Variants in PCDHA4 observed in about 807,000 individuals in gnomAD.
The protein encoded by PCDHA4 is protocadherin alpha 4, also known as protocadherin alpha-4.
A neutral mutation model predicts 61.4 loss-of-function variants in PCDHA4; 49 were observed. The ratio of observed to expected loss-of-function variants is 0.80; its 90% CI spans 0.63 to 1.01. PCDHA4 has a LOEUF of 1.01. PCDHA4 is among the 50% of genes least tolerant of loss of function. The pLI is 0.00. For synonymous variants in PCDHA4, 590 were observed against 550.3 expected, an observed-to-expected ratio of 1.07 and a Z score of -1.01; for missense variants, 1,254 against 1,235.8, an observed-to-expected ratio of 1.01 and a Z score of -0.22.
At chr5:140,828,611 T>G in intron 1 of PCDHA4, 1 of 1,614,202 alleles carries the variant, frequency 6.2e-7, no homozygotes, top group Non-Finnish European at 8.5e-7. Flanking sequence ...TAAACTCAGT[T>G]CTAGCGAATA....
At chr5:140,912,824 A>T (rs1391588183) in intron 1 of PCDHA4, among the ~76,000 whole-genome samples, 3 of 152,170 alleles carry the variant, frequency 2.0e-5, no homozygotes, top group Non-Finnish European at 4.4e-5. Flanking sequence ...AGGGATTTTG[A>T]ATTTTATTAA....
intron 1 of PCDHA4, chr5:140,878,103 GA>G (rs748975221): frequency 2.9e-4 from 75 of 261,846 alleles, no homozygotes; most frequent in African/African-American, 1.3e-3. Context: ...GATGAACCTT[GA>G]AAAAAACAGT....
chr5:140,849,672 G>A, intron 1 of PCDHA4: 1 of 1,598,650 alleles, frequency 6.3e-7, no homozygotes, highest in Non-Finnish European at 8.6e-7. Flanking sequence ...GACGCCCCAC[G>A]TCCCCTTCAA....
intron 1 of PCDHA4, chr5:140,835,475 A>T (rs141258579): frequency 6.2e-7 from 1 of 1,613,920 alleles, no homozygotes; most frequent in Non-Finnish European, 8.5e-7. Flanking sequence ...AGGACGCCCA[A>T]CCAGGTACCG....
chr5:140,841,171 G>T, intron 1 of PCDHA4: 2 of 993,678 alleles, frequency 2.0e-6, no homozygotes, highest in Admixed American at 2.8e-5. Context: ...AGTTCTGGTT[G>T]GTCAATGTTC....
intron 1 of PCDHA4, chr5:140,929,005 A>G: frequency 6.2e-7 from 1 of 1,614,062 alleles, no homozygotes; most frequent in Non-Finnish European, 8.5e-7. Context: ...CTTCGTGTGT[A>G]CCAAGTTGCA....
chr5:140,881,145 A>G (rs1335769260), intron 1 of PCDHA4, among the ~76,000 whole-genome samples: 1 of 152,246 alleles, frequency 6.6e-6, no homozygotes, highest in Non-Finnish European at 1.5e-5. Context: ...TTATAACAAT[A>G]GATAAAAGTA....
chr5:140,853,436 T>C (rs1442377806), intron 1 of PCDHA4: 3 of 984,616 alleles, frequency 3.0e-6, no homozygotes, highest in African/African-American at 3.5e-5. Flanking sequence ...CACTTTCCTA[T>C]TTTGCCTAAT....
At chr5:140,823,674 A>G (rs2150128139) in intron 1 of PCDHA4, 1 of 1,613,986 alleles carries the variant, frequency 6.2e-7, no homozygotes, top group Non-Finnish European at 8.5e-7. Flanking sequence ...TCAGCACAAC[A>G]CGCTCTCTGG....
intron 1 of PCDHA4, chr5:140,967,968 G>A: frequency 3.1e-6 from 5 of 1,614,218 alleles, no homozygotes; most frequent in Non-Finnish European, 4.2e-6. Flanking sequence ...CGGAAAGTGA[G>A]CCTGGGTCTG....
intron 1 of PCDHA4, among the ~76,000 whole-genome samples, chr5:140,961,697 T>A (rs1326642906): frequency 6.6e-6 from 1 of 152,232 alleles, no homozygotes; most frequent in Non-Finnish European, 1.5e-5. Flanking sequence ...GTCCTTAGTA[T>A]GAATGCCTTC....
chr5:140,923,306 C>T (rs572766829), intron 1 of PCDHA4, among the ~76,000 whole-genome samples: 1 of 152,098 alleles, frequency 6.6e-6, no homozygotes, highest in East Asian at 1.9e-4. Flanking sequence ...GGCGTGGGGG[C>T]GCTTGGCCTA....
chr5:140,871,327 C>G (rs782093100), intron 1 of PCDHA4: 12 of 1,614,102 alleles, frequency 7.4e-6, no homozygotes, highest in Admixed American at 1.7e-5. Context: ...GGTGTGCTCC[C>G]GCGCGGTGGG....
chr5:140,924,712 T>C (rs1481544117), intron 1 of PCDHA4, among the ~76,000 whole-genome samples: 1 of 151,870 alleles, frequency 6.6e-6, no homozygotes, highest in African/African-American at 2.4e-5. Context: ...TTGTGCAACA[T>C]GGCGAAACCT....
chr5:140,895,447 G>T (rs1188860605), intron 1 of PCDHA4, among the ~76,000 whole-genome samples: 1 of 152,060 alleles, frequency 6.6e-6, no homozygotes, highest in South Asian at 2.1e-4. Flanking sequence ...CTTTTCATGT[G>T]CTTATTGGTC....
chr5:140,871,092 C>A (rs575877743), intron 1 of PCDHA4: 2 of 1,613,142 alleles, frequency 1.2e-6, no homozygotes, highest in Admixed American at 1.7e-5. Flanking sequence ...CCACGGCCAC[C>A]GTGCTGGTGT....
intron 1 of PCDHA4, among the ~76,000 whole-genome samples, chr5:140,913,961 A>T (rs909283613): frequency 2.0e-5 from 3 of 149,744 alleles, no homozygotes; most frequent in South Asian, 2.1e-4. Context: ...TATCATTTTT[A>T]AAAAAATATT....
At chr5:140,823,452 C>G (rs2150125920) in intron 1 of PCDHA4, 1 of 1,613,440 alleles carries the variant, frequency 6.2e-7, no homozygotes, top group South Asian at 1.1e-5. Flanking sequence ...ACGAGAACGA[C>G]AACGCGCCGG....
chr5:140,817,998 G>A (rs1396162096), intron 1 of PCDHA4, among the ~76,000 whole-genome samples: 2 of 152,038 alleles, frequency 1.3e-5, no homozygotes, highest in African/African-American at 2.4e-5. Context: ...TACTTACTCT[G>A]TTTTTCACTT....
Sources: allele counts gnomAD v4.1 joint callset (sites outside exome capture counted in the v4.1 genomes callset), GRCh38; gene constraint gnomAD v4.1.1; transcripts MANE v1.5; gene names NCBI Gene and HGNC (gene_info 2026-07-23, HGNC 2026-07-21).